The following YTHDC2 variants were observed in gnomAD, a reference collection of about 807,000 sequenced individuals.
The protein encoded by YTHDC2 is YTH N6-methyladenosine RNA binding protein C2.
In YTHDC2, 45 loss-of-function variants were observed where a neutral mutation model predicts 174.9. The ratio of observed to expected loss-of-function variants is 0.26; its 90% CI spans 0.20 to 0.33. The LOEUF (loss-of-function observed/expected upper bound fraction) is 0.33, where lower values mean the gene tolerates loss of function less well. Among genes scored for constraint, YTHDC2 ranks in the 10% least tolerant of loss-of-function variants. YTHDC2 has a pLI of 1.00. For synonymous variants in YTHDC2, 657 were observed against 574.5 expected (o/e 1.14, Z -2.05); for missense variants, 1,650 against 1,723.7 (o/e 0.96, Z 0.76).
At chr5:113,520,142 C>A (rs1325557137) in intron 2 of YTHDC2, among the ~76,000 whole-genome samples, 2 of 152,086 alleles carry the variant, frequency 1.3e-5, no homozygotes, top group Non-Finnish European at 2.9e-5. Context: ...TGAGTGAGAA[C>A]ATGTAGTGTT....
At chr5:113,539,241 C>A in intron 8 of YTHDC2, 60 bp downstream of exon 8, 1 of 673,612 alleles carries the variant, frequency 1.5e-6, no homozygotes. Flanking sequence ...CTTTGGAGTA[C>A]TCCATCCTTA....
chr5:113,561,036 C>G, intron 17 of YTHDC2, 44 bp from the exon 18 acceptor site: 1 of 1,507,532 alleles, frequency 6.6e-7, no homozygotes, highest in Non-Finnish European at 9.0e-7. Flanking sequence ...TTATTGTAGC[C>G]TTTATTCGTT....
chr5:113,517,907 G>A (rs1023642113), intron 2 of YTHDC2, among the ~76,000 whole-genome samples: 7 of 151,392 alleles, frequency 4.6e-5, no homozygotes, highest in Admixed American at 1.3e-4. Context: ...TTATTTTTTT[G>A]AGATGGAGTC....
At chr5:113,521,828 A>G (rs1370297921) in intron 2 of YTHDC2, among the ~76,000 whole-genome samples, 1 of 151,414 alleles carries the variant, frequency 6.6e-6, no homozygotes, top group Non-Finnish European at 1.5e-5. Context: ...CTCAAAAAAA[A>G]AAAAAAAAAG....
chr5:113,563,137 G>T (rs66838021), intron 18 of YTHDC2, among the ~76,000 whole-genome samples: 17,418 of 151,752 alleles, frequency 0.11, 1,124 homozygotes, highest in African/African-American at 0.14. Flanking sequence ...TGTTGCCAAT[G>T]GGAGCAATGG....
chr5:113,532,692 A>G (rs1164201604), intron 4 of YTHDC2, among the ~76,000 whole-genome samples, 187 bp from the exon 5 acceptor site: 2 of 152,174 alleles, frequency 1.3e-5, no homozygotes, highest in Admixed American at 6.6e-5. Context: ...TTTAGTTTCT[A>G]TTGTGAGCAA....
intron 10 of YTHDC2, among the ~76,000 whole-genome samples, chr5:113,548,085 C>A (rs1193493641): frequency 6.6e-6 from 1 of 152,116 alleles, no homozygotes; most frequent in Admixed American, 6.5e-5. Context: ...AGTAAAATAA[C>A]AACCAAACAT....
intron 2 of YTHDC2, among the ~76,000 whole-genome samples, chr5:113,521,788 A>G (rs936103446): frequency 6.7e-6 from 1 of 148,504 alleles, no homozygotes; most frequent in Non-Finnish European, 1.5e-5. Flanking sequence ...CATAGTGACC[A>G]TGCCTTGAAA....
In YTHDC2 at chr5:113,553,255, A is replaced by C; in HGVS notation, c.1763A>C (p.Asp588Ala). Residue 588 changes from aspartate to alanine, a missense_variant, in exon 13 of 30, where the codon GAC (aspartate) becomes GCC (alanine). This residue lies in a region of YTHDC2 where 411 missense variants were observed against 380.6 expected (regional missense o/e 1.08). Coordinates refer to ENST00000161863, the MANE Select transcript of YTHDC2 (RefSeq NM_022828.5). ...QTNGSDLSAE[D>A]RELLKAYHHS... ...AATGGAAGTGACCTCAGTGCTGAAG[A>C]CAGAGAGCTCCTGAAAGCTTATCAT... 1.2e-6 allele frequency: 2 copies of C among 1,608,886 alleles called. No homozygotes were observed. Among genetic ancestry groups the C allele is most frequent in the Non-Finnish European group, 8.5e-7 (1 of 1,177,712 alleles).
intron 21 of YTHDC2, among the ~76,000 whole-genome samples, chr5:113,566,727 ATGT>A (rs1777355739): frequency 6.6e-6 from 1 of 152,180 alleles, no homozygotes; most frequent in Admixed American, 6.5e-5. Context: ...CATAACCAAA[ATGT>A]TGTTAATAAC....
Position 113,542,384 on chromosome 5 carries a change from A to G in YTHDC2, c.1376A>G (p.Asn459Ser), listed in dbSNP as rs772318978. ...VFSQLTEKDV[N>S]CLEPWLIKEM... ...TTTTTGTAGACTGAAAAAGATGTGAATTGCCTTGAACCATGGTTAATAAAG... is the reference window on the plus strand; with the variant it reads ...TTTTTGTAGACTGAAAAAGATGTGAGTTGCCTTGAACCATGGTTAATAAAG... Residue 459 changes from asparagine to serine, a missense_variant, in exon 10 of 30, where the codon AAT becomes AGT. This residue lies in a region of YTHDC2 where 411 missense variants were observed against 380.6 expected (regional missense o/e 1.08). Transcript: ENST00000161863. 6.2e-7 allele frequency: 1 copy of G among 1,606,946 alleles called. No homozygotes were observed. Among genetic ancestry groups the G allele is most frequent in the South Asian group, 1.1e-5 (1 of 88,282 alleles).
intron 2 of YTHDC2, among the ~76,000 whole-genome samples, chr5:113,520,838 T>G (rs1773815098): frequency 6.6e-6 from 1 of 152,042 alleles, no homozygotes; most frequent in Non-Finnish European, 1.5e-5. Context: ...GTCAAGGGGG[T>G]TTGTTGTACA....
intron 15 of YTHDC2, 29 bp downstream of exon 15, chr5:113,553,883 A>C (rs1030693207): frequency 1.9e-6 from 3 of 1,587,554 alleles, no homozygotes; most frequent in East Asian, 4.5e-5. Context: ...TCTTTTTAAC[A>C]CTTTCATTAG....
chr5:113,579,903 T>G, intron 24 of YTHDC2: 1 of 985,392 alleles, frequency 1.0e-6, no homozygotes, highest in Non-Finnish European at 1.2e-6. Flanking sequence ...TTGTGGCTCA[T>G]TATTTAAGCA....
In YTHDC2 at chr5:113,554,032, G is replaced by C. The variant is rs766190492; in HGVS notation, c.2133+10G>C. On this transcript the variant is annotated intron_variant, in intron 16 of 29. Transcript: ENST00000161863. ...TGGTAAGGTGAAAGAGGTATGTATG[G>C]GTAAGTTGTAGTTTTACTTAAATGA... 6.6e-7 allele frequency: 1 copy of C among 1,506,642 alleles called. No individual in the cohort carries two copies. Among genetic ancestry groups the C allele is most frequent in the Non-Finnish European group, 8.9e-7 (1 of 1,127,412 alleles). 93.3% of individuals were successfully genotyped at this position (1,506,642 alleles called of 1,614,324 possible).
chr5:113,564,626 A>G (rs753448046), intron 20 of YTHDC2, among the ~76,000 whole-genome samples: 1 of 152,140 alleles, frequency 6.6e-6, no homozygotes, highest in African/African-American at 2.4e-5. Context: ...ACCTTTTAAG[A>G]TAATGGTAAT....
chr5:113,563,804 G>A, intron 19 of YTHDC2, 55 bp from the exon 20 acceptor site: 3 of 1,581,930 alleles, frequency 1.9e-6, no homozygotes, highest in Non-Finnish European at 2.6e-6. Flanking sequence ...TTAATTATGT[G>A]TTTTGATTAA....
chr5:113,562,173 C>T (rs184140624), intron 18 of YTHDC2, among the ~76,000 whole-genome samples: 3 of 145,710 alleles, frequency 2.1e-5, no homozygotes, highest in African/African-American at 7.7e-5. Context: ...TCCCACTTCC[C>T]AATGCTTATG....
chr5:113,558,037 G>A (rs1776729532), intron 17 of YTHDC2, among the ~76,000 whole-genome samples: 1 of 152,040 alleles, frequency 6.6e-6, no homozygotes, highest in Non-Finnish European at 1.5e-5. Flanking sequence ...GCTACAACTG[G>A]ATGTTTCCAG....
Sources: gnomAD v4.1 joint callset for allele counts (sites outside exome capture counted in the v4.1 genomes callset) on GRCh38, gnomAD v4.1.1 for gene constraint, gnomAD v4.1.1 regional missense constraint, MANE v1.5 for transcripts, NCBI Gene and HGNC (gene_info 2026-07-23, HGNC 2026-07-21) for gene names.